The following WWTR1 variants were observed in gnomAD, a reference collection of about 807,000 sequenced individuals.
WWTR1 encodes WW domain-containing transcription regulator protein 1.
In WWTR1, 13 loss-of-function variants were observed where a neutral mutation model predicts 40.1. The observed-to-expected ratio is 0.32, with a 90% confidence interval of 0.21 to 0.52. The LOEUF is 0.52. WWTR1 is among the 20% of genes least tolerant of loss of function. The pLI is 0.97. For missense variants in WWTR1, 436 were observed against 523.1 expected (o/e 0.83, Z 1.63); for synonymous variants, 230 against 210.1 (o/e 1.09, Z -0.82).
chr3:149,664,144 C>T (rs1334420474), intron 2 of WWTR1, among the ~76,000 whole-genome samples: 1 of 152,248 alleles, frequency 6.6e-6, no homozygotes, highest in Non-Finnish European at 1.5e-5. Flanking sequence ...AGTTAGAGGA[C>T]TGTGGTCCCA....
intron 3 of WWTR1, among the ~76,000 whole-genome samples, chr3:149,559,303 A>G (rs1736985563): frequency 6.6e-6 from 1 of 151,220 alleles, no homozygotes; most frequent in African/African-American, 2.4e-5. Context: ...CAAAAAAAAA[A>G]AAAAAAAAAA....
chr3:149,593,740 G>GGGGA (rs1738843218), intron 2 of WWTR1, among the ~76,000 whole-genome samples: 6 of 152,220 alleles, frequency 3.9e-5, no homozygotes, highest in African/African-American at 1.4e-4. Context: ...GAAGCAGGGG[G>GGGGA]AGCCATTGAA....
In WWTR1 at chr3:149,618,337, T is replaced by C. The variant is rs576640290; in HGVS notation, c.431+38539A>G. On this transcript the variant is annotated intron_variant, in intron 2 of 6. Transcript: ENST00000360632. ...GCATGCTGGTGGGGTCAGCAGACACTGAGGCGCTGGTACCAAGCTTGAGGT... is the reference window on the plus strand; with the variant it reads ...GCATGCTGGTGGGGTCAGCAGACACCGAGGCGCTGGTACCAAGCTTGAGGT... 2.0e-5 allele frequency among the ~76,000 whole-genome samples: 3 copies of C among 152,284 alleles called. No homozygotes were observed. The South Asian group carries it at 6.2e-4, about 32-fold the overall frequency.
intron 2 of WWTR1, among the ~76,000 whole-genome samples, chr3:149,619,707 A>G (rs1560088305): frequency 6.6e-6 from 1 of 152,170 alleles, no homozygotes; most frequent in Non-Finnish European, 1.5e-5. Flanking sequence ...TTAGAGCACA[A>G]CAAAGGTAAT....
At chr3:149,665,227 C>CTTTTTTTT (rs11398199) in intron 2 of WWTR1, among the ~76,000 whole-genome samples, 1 of 128,278 alleles carries the variant, frequency 7.8e-6, no homozygotes, top group African/African-American at 2.9e-5. Flanking sequence ...TCCTTTCTTT[C>CTTTTTTTT]TTTTTTTTTT....
intron 2 of WWTR1, among the ~76,000 whole-genome samples, chr3:149,619,623 C>CAAAA (rs1489538623): frequency 6.6e-6 from 1 of 151,826 alleles, no homozygotes; most frequent in African/African-American, 2.4e-5. Flanking sequence ...ATCCTGTCAC[C>CAAAA]AAAAACAAAC....
At chr3:149,706,176 C>A (rs969925995), upstream of WWTR1, among the ~76,000 whole-genome samples, 54 of 151,710 alleles carry the variant, frequency 3.6e-4, no homozygotes, top group African/African-American at 1.2e-3. Context: ...GCAGTCAAGC[C>A]TGGGTGACAG....
upstream of WWTR1, among the ~76,000 whole-genome samples, chr3:149,707,887 C>G (rs150685746): frequency 4.7e-5 from 7 of 149,320 alleles, no homozygotes; most frequent in African/African-American, 1.2e-4. Context: ...GTATGGCCAA[C>G]AGTATGGTAT....
At chr3:149,679,409 G>T (rs1714381703) in intron 1 of WWTR1, among the ~76,000 whole-genome samples, 2 of 152,174 alleles carry the variant, frequency 1.3e-5, no homozygotes, top group Admixed American at 6.5e-5. Flanking sequence ...ATTCACCAAT[G>T]AATATGTCCT....
At chr3:149,672,349 A>G (rs1714116665) in intron 1 of WWTR1, among the ~76,000 whole-genome samples, 1 of 152,208 alleles carries the variant, frequency 6.6e-6, no homozygotes, top group South Asian at 2.1e-4. Context: ...TGGAAGTGAC[A>G]TACATGATTT....
rs538177446 is a variant in WWTR1 at position 149,606,681 on chromosome 3, T to A, written c.432-33681A>T. On this transcript the variant is annotated intron_variant, in intron 2 of 6. Coordinates refer to ENST00000360632, the MANE Select transcript of WWTR1 (RefSeq NM_015472.6). Reference sequence around the variant, plus strand: ...ACACACTCCGCCTTCATCCAGCTTCTTGTCAGATAATGACATAAACAATTA... The same window carrying A: ...ACACACTCCGCCTTCATCCAGCTTCATGTCAGATAATGACATAAACAATTA... Among the ~76,000 whole-genome samples, 34 of 152,332 alleles carry A rather than the reference T, an allele frequency of 2.2e-4. No individual in the cohort carries two copies. The South Asian group carries it at 7.0e-3, about 32-fold the overall frequency.
chr3:149,695,050 C>T (rs185371871), intron 1 of WWTR1, among the ~76,000 whole-genome samples: 188 of 152,206 alleles, frequency 1.2e-3, no homozygotes, highest in African/African-American at 4.2e-3. Flanking sequence ...TGAAGTAAGC[C>T]AGGCACAGAA....
intron 6 of WWTR1, among the ~76,000 whole-genome samples, chr3:149,524,525 G>A (rs1033377360): frequency 6.6e-6 from 1 of 152,082 alleles, no homozygotes; most frequent in Non-Finnish European, 1.5e-5. Flanking sequence ...AGCAGAGAGA[G>A]AGATAAAGGT....
intron 2 of WWTR1, among the ~76,000 whole-genome samples, chr3:149,667,965 C>G (rs725623): frequency 1.3e-5 from 2 of 152,162 alleles, no homozygotes; most frequent in Non-Finnish European, 2.9e-5. Flanking sequence ...CTACCTGTCA[C>G]CTTCCTAAAA....
intron 2 of WWTR1, among the ~76,000 whole-genome samples, chr3:149,609,176 A>C (rs1412874777): frequency 6.6e-6 from 1 of 152,218 alleles, no homozygotes; most frequent in Admixed American, 6.5e-5. Context: ...CCAAGGTCCA[A>C]AGTGCCATTC....
chr3:149,604,372 A>C (rs1739392167), intron 2 of WWTR1, among the ~76,000 whole-genome samples: 1 of 152,214 alleles, frequency 6.6e-6, no homozygotes, highest in African/African-American at 2.4e-5. Context: ...CTTGGCTTCC[A>C]TCTCTACTCA....
chr3:149,675,818 C>T (rs1293228120), intron 1 of WWTR1, among the ~76,000 whole-genome samples: 4 of 151,994 alleles, frequency 2.6e-5, no homozygotes, highest in African/African-American at 4.8e-5. Context: ...CCAGGGGTCA[C>T]GCCATTCTCC....
chr3:149,678,800 T>C (rs6786375), intron 1 of WWTR1, among the ~76,000 whole-genome samples: 62,098 of 151,100 alleles, frequency 0.41, 12,901 homozygotes, highest in Middle Eastern at 0.57. Flanking sequence ...CCTGGAGGAA[T>C]TATATTAACG....
chr3:149,714,489 G>A (rs528221906), intron 5 of WWTR1, among the ~76,000 whole-genome samples: 1 of 152,354 alleles, frequency 6.6e-6, no homozygotes, highest in East Asian at 1.9e-4. Flanking sequence ...AGCCTGGCTG[G>A]GTGTGCGCAG....
Sources: gnomAD v4.1 joint callset for allele counts (sites outside exome capture counted in the v4.1 genomes callset) on GRCh38, gnomAD v4.1.1 for gene constraint, MANE v1.5 for transcripts, NCBI Gene and HGNC (gene_info 2026-07-23, HGNC 2026-07-21) for gene names.